The following SYT1 variants were observed in gnomAD, a reference collection of about 807,000 sequenced individuals.
The protein encoded by SYT1 is synaptotagmin 1, also known as synaptotagmin-1.
A neutral mutation model predicts 44.8 loss-of-function variants in SYT1; 8 were observed. That is an observed-to-expected ratio of 0.18 (90% CI 0.10 to 0.32). SYT1 has a LOEUF of 0.32. SYT1 is among the 10% of genes least tolerant of loss of function. SYT1 has a pLI of 1.00. For synonymous variants in SYT1, 154 were observed against 188.8 expected, an observed-to-expected ratio of 0.82 and a Z score of 1.51; for missense variants, 286 against 509.3, an observed-to-expected ratio of 0.56 and a Z score of 4.22.
At chr12:79,019,097 C>G (rs1383964736) in intron 2 of SYT1, among the ~76,000 whole-genome samples, 1 of 151,918 alleles carries the variant, frequency 6.6e-6, no homozygotes, top group African/African-American at 2.4e-5. Flanking sequence ...TTGTTTCTCT[C>G]CTTTATTCAA....
intron 9 of SYT1, among the ~76,000 whole-genome samples, chr12:79,374,428 T>A (rs1430325112): frequency 6.6e-6 from 1 of 152,226 alleles, no homozygotes; most frequent in Non-Finnish European, 1.5e-5. Flanking sequence ...AACTATTCAT[T>A]AACCAGAAGG....
intron 2 of SYT1, among the ~76,000 whole-genome samples, chr12:78,990,345 A>G (rs1390404824): frequency 6.6e-6 from 1 of 152,160 alleles, no homozygotes; most frequent in Non-Finnish European, 1.5e-5. Flanking sequence ...AATTAGTAAT[A>G]TATTAAATAT....
At chr12:79,442,857 G>A (rs1870505189) in intron 9 of SYT1, among the ~76,000 whole-genome samples, 1 of 152,066 alleles carries the variant, frequency 6.6e-6, no homozygotes, top group South Asian at 2.1e-4. Context: ...GAAAGGCTTC[G>A]CAGTAGTTAT....
In SYT1 at chr12:79,084,893, G is replaced by A. The variant is rs143994893; in HGVS notation, c.-18+37531G>A. Among the ~76,000 whole-genome samples the A allele has an allele frequency of 6.6e-4, 100 of 152,136 alleles. 1 individual carries two copies. Among genetic ancestry groups the A allele is most frequent in the Middle Eastern group, 6.8e-3 (2 of 292 alleles). On this transcript the variant is annotated intron_variant, in intron 3 of 10. Transcript: ENST00000261205. ...GTAGCCAAAATGCTTGGGACCAGAA[G>A]TGTTTTGAATTTTTTGATTTTTTTC...
At chr12:79,258,817 A>T (rs1190827537) in intron 4 of SYT1, among the ~76,000 whole-genome samples, 2 of 152,170 alleles carry the variant, frequency 1.3e-5, no homozygotes, top group African/African-American at 4.8e-5. Flanking sequence ...TAAATAAATA[A>T]TTTTTTACTT....
intron 3 of SYT1, among the ~76,000 whole-genome samples, chr12:79,155,718 T>C (rs1438330558): frequency 2.0e-5 from 3 of 152,242 alleles, no homozygotes; most frequent in Non-Finnish European, 4.4e-5. Flanking sequence ...AGTTTCACTT[T>C]TAAAATGTGC....
intron 3 of SYT1, among the ~76,000 whole-genome samples, chr12:79,145,658 T>C (rs1869832394): frequency 6.6e-6 from 1 of 152,194 alleles, no homozygotes; most frequent in Admixed American, 6.5e-5. Flanking sequence ...AAATGTTTTA[T>C]ATAACTTCCC....
At position 78,873,691 on chromosome 12, in the gene SYT1, T is replaced by C. The variant is rs184218979; in HGVS notation, c.-217+8582T>C. ...TTATTATTCTCCTCATTGATATTCA[T>C]ACACACCTTCTTGCTGTTCCTTCAC... is the stretch of plus-strand genomic sequence containing the variant. On this transcript the variant is annotated intron_variant, in intron 1 of 10. Transcript: ENST00000261205. 6.5e-4 allele frequency among the ~76,000 whole-genome samples: 98 copies of C among 151,860 alleles called. 1 individual carries two copies. The South Asian group carries it at 0.012, about 18-fold the overall frequency.
chr12:79,394,746 C>T (rs1298449542), intron 9 of SYT1, among the ~76,000 whole-genome samples: 1 of 152,154 alleles, frequency 6.6e-6, no homozygotes, highest in Admixed American at 6.5e-5. Flanking sequence ...TCTACTGCAA[C>T]ATTTCAACAA....
chr12:79,089,989 G>A (rs950783599), intron 3 of SYT1, among the ~76,000 whole-genome samples: 6 of 151,978 alleles, frequency 3.9e-5, no homozygotes, highest in Non-Finnish European at 8.8e-5. Context: ...ACAACGTGAG[G>A]GTGAAAATAA....
At chr12:78,918,653 G>GA (rs1268852871) in intron 1 of SYT1, among the ~76,000 whole-genome samples, 3 of 151,988 alleles carry the variant, frequency 2.0e-5, no homozygotes, top group Non-Finnish European at 4.4e-5. Flanking sequence ...GCAGCACCCA[G>GA]AAAAAAACCA....
chr12:79,265,431 A>G (rs1449032038), intron 4 of SYT1, among the ~76,000 whole-genome samples: 2 of 152,154 alleles, frequency 1.3e-5, no homozygotes, highest in Non-Finnish European at 2.9e-5. Flanking sequence ...ACTGATTTGG[A>G]GTAAATAATT....
intron 1 of SYT1, among the ~76,000 whole-genome samples, chr12:78,881,581 C>T (rs1336967580): frequency 6.6e-6 from 1 of 151,634 alleles, no homozygotes; most frequent in Non-Finnish European, 1.5e-5. Context: ...AAAATATGCA[C>T]AGAAATCAGG....
chr12:79,197,000 A>C (rs1873502816), intron 3 of SYT1, among the ~76,000 whole-genome samples: 1 of 152,252 alleles, frequency 6.6e-6, no homozygotes, highest in South Asian at 2.1e-4. Flanking sequence ...TGTCAAAATC[A>C]GTCAAGTTGT....
chr12:79,055,711 CAT>C (rs754515706), intron 3 of SYT1, among the ~76,000 whole-genome samples: 6 of 151,920 alleles, frequency 3.9e-5, no homozygotes, highest in South Asian at 2.1e-4. Context: ...AGAATAATGA[CAT>C]GTTTATTAAC....
chr12:79,140,114 A>G (rs12582661), intron 3 of SYT1, among the ~76,000 whole-genome samples: 3,439 of 152,302 alleles, frequency 0.023, 196 homozygotes, highest in East Asian at 0.21. Flanking sequence ...TTCATCTGAG[A>G]AGACCATGCT....
chr12:79,010,842 A>T (rs190384134), intron 2 of SYT1, among the ~76,000 whole-genome samples: 54 of 152,278 alleles, frequency 3.5e-4, no homozygotes, highest in Admixed American at 5.9e-4. Flanking sequence ...CTAAAGCTAG[A>T]TCCTCTAATT....
At chr12:79,308,292 A>G (rs1042420485) in intron 8 of SYT1, among the ~76,000 whole-genome samples, 1 of 152,132 alleles carries the variant, frequency 6.6e-6, no homozygotes, top group Non-Finnish European at 1.5e-5. Flanking sequence ...TGGGAGGCCG[A>G]GACGGGAGAA....
intron 1 of SYT1, among the ~76,000 whole-genome samples, chr12:78,865,494 T>C (rs192463583): frequency 6.6e-6 from 1 of 151,916 alleles, no homozygotes; most frequent in Admixed American, 6.6e-5. Context: ...CTGGAGAGGA[T>C]TGCCTTTCTT....
Sources: allele counts gnomAD v4.1 joint callset (sites outside exome capture counted in the v4.1 genomes callset), GRCh38; gene constraint gnomAD v4.1.1; transcripts MANE v1.5; gene names NCBI Gene and HGNC (gene_info 2026-07-23, HGNC 2026-07-21).